Variants in PDGFD observed in about 807,000 individuals in gnomAD.
PDGFD encodes platelet derived growth factor D, also known as platelet-derived growth factor D.
PDGFD carries 30 observed loss-of-function variants against 44.7 expected under a neutral mutation model. The ratio of observed to expected loss-of-function variants is 0.67; its 90% confidence interval spans 0.50 to 0.91. The LOEUF is 0.91. Among genes scored for constraint, PDGFD ranks in the 40% least tolerant of loss-of-function variants. PDGFD has a pLI of 0.00. For missense variants in PDGFD, 445 were observed against 457.8 expected, an observed-to-expected ratio of 0.97 and a Z score of 0.25; for synonymous variants, 173 against 168.4, an observed-to-expected ratio of 1.03 and a Z score of -0.21.
At chr11:103,913,366 T>C (rs9704066) in intron 6 of PDGFD, among the ~76,000 whole-genome samples, 1 of 152,146 alleles carries the variant, frequency 6.6e-6, no homozygotes, top group African/African-American at 2.4e-5. Context: ...ATCACACAAC[T>C]ACATGGAAAC....
intron 3 of PDGFD, among the ~76,000 whole-genome samples, chr11:103,955,010 A>C (rs1451521640): frequency 1.3e-5 from 2 of 150,282 alleles, no homozygotes; most frequent in Non-Finnish European, 3.0e-5. Flanking sequence ...TAAAAATACA[A>C]AAAATTAGCC....
chr11:104,098,929 C>A (rs618648), intron 1 of PDGFD, among the ~76,000 whole-genome samples: 107,216 of 152,062 alleles, frequency 0.71, 38,158 homozygotes, highest in East Asian at 0.98. Context: ...ATCTTTGAGA[C>A]GGTAGGTGAA....
chr11:103,997,153 C>A (rs1565306258), intron 2 of PDGFD, among the ~76,000 whole-genome samples: 1 of 152,148 alleles, frequency 6.6e-6, no homozygotes, highest in Non-Finnish European at 1.5e-5. Flanking sequence ...TGAACTATTT[C>A]TTTCAGTTTT....
Position 103,926,921 on chromosome 11 carries a change from C to G in PDGFD, c.978G>C (p.Lys326Asn). The change falls in exon 6 of 7, where the codon AAG becomes AAC. Residue 326 changes from lysine (K) to asparagine (N), a missense_variant. Transcript: ENST00000393158. ...CTCNSGKTVK[K>N]YHEVLQFEPG... Reference sequence around the variant, plus strand: ...TCTAAGAATGACATACCTCATGATACTTTTTCACGGTTTTCCCTGAATTGC... The same window carrying G: ...TCTAAGAATGACATACCTCATGATAGTTTTTCACGGTTTTCCCTGAATTGC... 1.2e-6 allele frequency: 2 copies of G among 1,613,640 alleles called. No individual in the cohort carries two copies. Among genetic ancestry groups the G allele is most frequent in the Non-Finnish European group, 1.7e-6 (2 of 1,179,730 alleles).
chr11:104,059,785 A>G lies in PDGFD; in HGVS notation c.125-59530T>C, dbSNP rs1860682664. On this transcript the variant is annotated intron_variant, in intron 1 of 6. Coordinates refer to ENST00000393158, the MANE Select transcript of PDGFD (RefSeq NM_025208.5). ...TCAACTAATCCGTTTCCAAGATAGT[A>G]CCCCTCTGACATTTATTTGTCTCTT... Among the ~76,000 whole-genome samples the G allele has an allele frequency of 2.6e-5, 4 of 152,204 alleles. No individual in the cohort carries two copies. In the South Asian group the frequency reaches 8.3e-4, roughly 31 times the overall value.
chr11:103,947,934 C>A (rs540613511), intron 3 of PDGFD, among the ~76,000 whole-genome samples: 1 of 152,254 alleles, frequency 6.6e-6, no homozygotes, highest in African/African-American at 2.4e-5. Context: ...CTTGTAAGTA[C>A]TGGTGAAATG....
At chr11:103,931,432 A>G (rs1483988469) in intron 5 of PDGFD, among the ~76,000 whole-genome samples, 2 of 152,182 alleles carry the variant, frequency 1.3e-5, no homozygotes, top group African/African-American at 4.8e-5. Context: ...TCTAAACATT[A>G]AGTTATCAGT....
intron 1 of PDGFD, among the ~76,000 whole-genome samples, chr11:104,097,292 A>G (rs575858377): frequency 1.3e-5 from 2 of 152,312 alleles, no homozygotes; most frequent in African/African-American, 4.8e-5. Flanking sequence ...TAGATTTTAG[A>G]CCACAGAAAT....
In PDGFD at chr11:104,082,137, C is replaced by CATATATATATATATATATATATATATAT. The variant is rs937501432; in HGVS notation, c.124+81666_124+81667insATATATATATATATATATATATATATAT. Among the ~76,000 whole-genome samples, 235 of 123,200 alleles carry CATATATATATATATATATATATATATAT rather than the reference C, an allele frequency of 1.9e-3. 2 individuals are homozygous for CATATATATATATATATATATATATATAT. Among genetic ancestry groups the CATATATATATATATATATATATATATAT allele is most frequent in the African/African-American group, 7.1e-3 (207 of 29,232 alleles). The allele number at this position is 123,200 out of a possible 152,430, so 80.8% of individuals were successfully genotyped here. ...TTGTTGATGTCCATATACATACATA[C>CATATATATATATATATATATATATATAT]ATATATATATATGAAAAACAAAGTC... On this transcript the variant is annotated intron_variant, in intron 1 of 6. Transcript: ENST00000393158.
In PDGFD at chr11:104,046,791, T is replaced by C. The variant is rs1860447854; in HGVS notation, c.125-46536A>G. On this transcript the variant is annotated intron_variant, in intron 1 of 6. Transcript: ENST00000393158. ...AGTTCTGGGATACATGTTTAGAACG[T>C]GAAGGTTTGTTACACAGGTATACGC... Among the ~76,000 whole-genome samples, 2 of 146,926 alleles carry C rather than the reference T, an allele frequency of 1.4e-5. 1 individual carries two copies. Among genetic ancestry groups the C allele is most frequent in the Non-Finnish European group, 3.0e-5 (2 of 65,912 alleles).
intron 1 of PDGFD, among the ~76,000 whole-genome samples, chr11:104,093,120 C>T (rs560549360): frequency 1.3e-5 from 2 of 152,230 alleles, no homozygotes; most frequent in Admixed American, 1.3e-4. Context: ...TAGCTGAAAC[C>T]TAAATGATTT....
intron 6 of PDGFD, among the ~76,000 whole-genome samples, chr11:103,925,273 A>G (rs368339378): frequency 2.0e-5 from 3 of 152,234 alleles, no homozygotes; most frequent in East Asian, 3.8e-4. Context: ...ATATGTGTGC[A>G]TGTGTCTTTA....
intron 1 of PDGFD, among the ~76,000 whole-genome samples, chr11:104,047,950 T>C (rs1193728922): frequency 6.6e-6 from 1 of 152,128 alleles, no homozygotes; most frequent in Non-Finnish European, 1.5e-5. Flanking sequence ...CTAATGTAAA[T>C]CTGCTATATC....
At chr11:103,985,277 T>C (rs984837059) in intron 3 of PDGFD, among the ~76,000 whole-genome samples, 16 of 150,342 alleles carry the variant, frequency 1.1e-4, no homozygotes, top group East Asian at 7.7e-4. Context: ...TCATAGCTCA[T>C]TGTAACCTCA....
At chr11:104,027,647 C>A (rs981632849) in intron 1 of PDGFD, among the ~76,000 whole-genome samples, 1 of 152,338 alleles carries the variant, frequency 6.6e-6, no homozygotes, top group African/African-American at 2.4e-5. Flanking sequence ...AGGCTTTCTA[C>A]GTCACTGACC....
In PDGFD at chr11:104,115,649, C is replaced by A. The variant is rs1024201636; in HGVS notation, c.124+48155G>T. ...CAGTGGTTGTAGTGGTTTACATTCC[C>A]ACTAGCAGTGTAGAAGTGTTCCCTG... On this transcript the variant is annotated intron_variant, in intron 1 of 6. Coordinates refer to ENST00000393158, the MANE Select transcript of PDGFD (RefSeq NM_025208.5). Among the ~76,000 whole-genome samples the A allele has an allele frequency of 1.8e-4, 28 of 152,004 alleles. 1 individual carries two copies. The highest frequency in any genetic ancestry group is 6.5e-4 in the African/African-American group (27 of 41,408).
intron 1 of PDGFD, among the ~76,000 whole-genome samples, chr11:104,021,285 A>G (rs1859947046): frequency 6.6e-6 from 1 of 152,150 alleles, no homozygotes; most frequent in Non-Finnish European, 1.5e-5. Context: ...TTGAGAGAGA[A>G]AAGAGGCCAA....
rs758733838 is a variant in PDGFD, at chr11:103,909,693, C to G, written c.*1G>C. On this transcript the variant is annotated 3_prime_UTR_variant, in exon 7 of 7. Coordinates refer to ENST00000393158, the MANE Select transcript of PDGFD (RefSeq NM_025208.5). ...CTTAATGTAAGGATGTGCACATTCT[C>G]TTATCGAGGTGGTCTTGAGCTGCAG... 3 of 1,614,084 alleles carry G rather than the reference C, an allele frequency of 1.9e-6. No individual in the cohort carries two copies. The Admixed American group carries it at 5.0e-5, about 27-fold the overall frequency.
chr11:104,053,849 C>T (rs948804192), intron 1 of PDGFD, among the ~76,000 whole-genome samples: 2 of 152,068 alleles, frequency 1.3e-5, no homozygotes, highest in East Asian at 1.9e-4. Flanking sequence ...CTGAGTCTTC[C>T]GAATTTCAGG....
Sources: allele counts gnomAD v4.1 joint callset (sites outside exome capture counted in the v4.1 genomes callset), GRCh38; gene constraint gnomAD v4.1.1; transcripts MANE v1.5; gene names NCBI Gene and HGNC (gene_info 2026-07-23, HGNC 2026-07-21).